Variants in RPS6KA2 observed in about 807,000 individuals in gnomAD.
RPS6KA2 encodes ribosomal protein S6 kinase A2.
A neutral mutation model predicts 91.8 loss-of-function variants in RPS6KA2; 42 were observed. The observed-to-expected ratio is 0.46, with a 90% CI of 0.36 to 0.59. The LOEUF (loss-of-function observed/expected upper bound fraction) is 0.59. Ranked by LOEUF, RPS6KA2 falls within the 20% of genes least tolerant of loss-of-function variation. The pLI is 0.00. For synonymous variants in RPS6KA2, 414 were observed against 393.6 expected (o/e 1.05, Z -0.61); for missense variants, 798 against 978.5 (o/e 0.82, Z 2.46).
chr6:166,729,370 T>A (rs1010289437), intron 2 of RPS6KA2, among the ~76,000 whole-genome samples: 1 of 152,218 alleles, frequency 6.6e-6, no homozygotes, highest in Non-Finnish European at 1.5e-5. Context: ...CTGTGTGTGA[T>A]GGGGTCTCAC....
chr6:166,562,559 C>G (rs11969176), intron 1 of RPS6KA2, among the ~76,000 whole-genome samples: 4 of 152,132 alleles, frequency 2.6e-5, no homozygotes, highest in Non-Finnish European at 5.9e-5. Context: ...CTGCCAAGCA[C>G]AATAAAATTC....
Position 166,510,290 on chromosome 6 carries a change from C to G in RPS6KA2, c.366G>C (p.Val122=). Residue 122 remains valine (V), a synonymous_variant, in exon 4 of 21, where the codon GTG becomes GTC. Transcript: ENST00000265678. ...ILAEVNHPFI[V]KLHYAFQTEG... is the part of the protein sequence containing the mutation. Reference sequence around the variant, plus strand: ...GACTCTACTTACCATAATGAAGCTTCACAATGAAGGGGTGATTCACTTCTG... The same window carrying G: ...GACTCTACTTACCATAATGAAGCTTGACAATGAAGGGGTGATTCACTTCTG... The G allele has an allele frequency of 6.2e-7, 1 of 1,602,468 alleles. No individual in the cohort carries two copies. The highest frequency in any genetic ancestry group is 8.5e-7 in the Non-Finnish European group (1 of 1,171,934).
chr6:166,825,317 G>A lies in RPS6KA2; in HGVS notation c.123+32883C>T, dbSNP rs1160150368. On this transcript the variant is annotated intron_variant, in intron 2 of 21. Coordinates refer to the RPS6KA2 transcript ENST00000503859. The surrounding 1 kb of genome is among the most constrained non-coding windows in gnomAD (Gnocchi z 4.1). The stretch of plus-strand genomic sequence containing the variant: ...TCCAGGGTACCCGTGGCTGTGAGGG[G>A]AAGGCGACTATTCTGAAGAGAATAA... Among the ~76,000 whole-genome samples the A allele has an allele frequency of 1.3e-5, 2 of 152,202 alleles. No individual in the cohort carries two copies. Among genetic ancestry groups the A allele is most frequent in the East Asian group, 3.9e-4 (2 of 5,194 alleles).
intron 11 of RPS6KA2, among the ~76,000 whole-genome samples, chr6:166,461,834 C>A (rs1780320462): frequency 6.6e-6 from 1 of 152,258 alleles, no homozygotes; most frequent in African/African-American, 2.4e-5. Flanking sequence ...CTCCATCATC[C>A]TGGGGACCCA....
chr6:166,778,216 C>G lies in RPS6KA2; in HGVS notation c.123+79984G>C, dbSNP rs562506519. On this transcript the variant is annotated intron_variant, in intron 2 of 21. Transcript: ENST00000503859. The stretch of plus-strand genomic sequence containing the variant: ...GCAGAGCCTGGAGACCTGCCTGCCT[C>G]TGTGTGGGGCTCACGAAAGGGCAAA... Among the ~76,000 whole-genome samples the G allele has an allele frequency of 2.3e-3, 344 of 152,316 alleles. 1 individual carries two copies. The highest frequency in any genetic ancestry group is 3.5e-3 in the Non-Finnish European group (238 of 68,024).
rs184133245 is a variant in RPS6KA2 at position 166,538,796 on chromosome 6, C to A, written c.100-12G>T. ...ACGACGCCTTCTTCCTGCAAGAGAG[C>A]GGCACGGGTGAGAAACACACCGCGA... On this transcript the variant is annotated splice_polypyrimidine_tract_variant and intron_variant, in intron 1 of 20. Coordinates refer to ENST00000265678, the MANE Select transcript of RPS6KA2 (RefSeq NM_021135.6). The A allele has an allele frequency of 1.7e-4, 250 of 1,456,482 alleles. 1 individual carries two copies. The highest frequency in any genetic ancestry group is 3.2e-4 in the East Asian group (14 of 43,832). The allele number at this position is 1,456,482 out of a possible 1,614,324, so 90.2% of individuals were successfully genotyped here.
At chr6:166,744,583 G>C (rs920250929) in intron 2 of RPS6KA2, among the ~76,000 whole-genome samples, 2 of 152,166 alleles carry the variant, frequency 1.3e-5, no homozygotes, top group African/African-American at 4.8e-5. Context: ...CTGGAGAGCC[G>C]CGCACCCGTG....
intron 2 of RPS6KA2, among the ~76,000 whole-genome samples, chr6:166,834,047 T>C (rs888718790): frequency 6.6e-6 from 1 of 152,182 alleles, no homozygotes; most frequent in African/African-American, 2.4e-5. Context: ...TTTGCATAAA[T>C]ATCTAAGGGT....
chr6:166,645,658 TG>T (rs1787582886), intron 2 of RPS6KA2, among the ~76,000 whole-genome samples: 1 of 152,200 alleles, frequency 6.6e-6, no homozygotes, highest in Admixed American at 6.5e-5. Flanking sequence ...TACCTGGAGA[TG>T]GGGGCACTCC....
chr6:166,507,046 G>C (rs1196720541), intron 5 of RPS6KA2, among the ~76,000 whole-genome samples: 1 of 152,000 alleles, frequency 6.6e-6, no homozygotes, highest in Non-Finnish European at 1.5e-5. Context: ...AGAAGCCCTG[G>C]GGTGTGCAGT....
At chr6:166,499,162 G>A (rs1220143248) in intron 7 of RPS6KA2, among the ~76,000 whole-genome samples, 2 of 152,206 alleles carry the variant, frequency 1.3e-5, no homozygotes, top group Non-Finnish European at 2.9e-5. Flanking sequence ...GGGAGCAGAG[G>A]CCGAGCTATG....
intron 16 of RPS6KA2, among the ~76,000 whole-genome samples, chr6:166,428,508 T>A: frequency 2.2e-5 from 3 of 134,596 alleles, no homozygotes; most frequent in African/African-American, 2.9e-5. Context: ...ACCATCAGAG[T>A]GAACAGGCAA....
Position 166,849,035 on chromosome 6 carries a change from G to A in RPS6KA2, c.123+9165C>T, listed in dbSNP as rs1426158829. On this transcript the variant is annotated intron_variant, in intron 2 of 21. Transcript: ENST00000503859. The surrounding 1 kb of genome is among the most constrained non-coding windows in gnomAD (Gnocchi z 4.9). The stretch of plus-strand genomic sequence containing the variant: ...TAATCCAAGACCTTGCCATGGCCTC[G>A]AATCCTGACATCACACTCTTCTCTC... 2.0e-5 allele frequency among the ~76,000 whole-genome samples: 3 copies of A among 151,940 alleles called. No homozygotes were observed. The highest frequency in any genetic ancestry group is 1.9e-4 in the East Asian group (1 of 5,182).
intron 2 of RPS6KA2, among the ~76,000 whole-genome samples, chr6:166,781,353 C>T (rs1198690744): frequency 1.3e-5 from 2 of 152,192 alleles, no homozygotes; most frequent in Admixed American, 6.5e-5. Flanking sequence ...GTCACTTGGA[C>T]GCTGTCCTCA....
At chr6:166,689,663 G>A (rs146519043) in intron 2 of RPS6KA2, among the ~76,000 whole-genome samples, 1 of 152,174 alleles carries the variant, frequency 6.6e-6, no homozygotes, top group African/African-American at 2.4e-5. Flanking sequence ...GAGACTGAGT[G>A]CAGGCATCTC....
intron 2 of RPS6KA2, among the ~76,000 whole-genome samples, chr6:166,808,973 C>G (rs1488616420): frequency 1.3e-5 from 2 of 152,154 alleles, no homozygotes; most frequent in African/African-American, 4.8e-5. Context: ...GACTGCAAGA[C>G]ACTAATAGTG....
chr6:166,501,554 G>A (rs144323178), intron 6 of RPS6KA2, among the ~76,000 whole-genome samples: 1 of 152,194 alleles, frequency 6.6e-6, no homozygotes, highest in Non-Finnish European at 1.5e-5. Context: ...CCCTTGTCAC[G>A]CCATGTGCCG....
chr6:166,455,672 G>A (rs1039798989), intron 12 of RPS6KA2, among the ~76,000 whole-genome samples: 3 of 152,230 alleles, frequency 2.0e-5, no homozygotes, highest in Admixed American at 6.5e-5. Flanking sequence ...AGAGAAGCTC[G>A]GGGCTTTCTG....
At chr6:166,588,571 A>G (rs1198814877) in intron 1 of RPS6KA2, among the ~76,000 whole-genome samples, 3 of 152,198 alleles carry the variant, frequency 2.0e-5, no homozygotes, top group Admixed American at 6.5e-5. Flanking sequence ...GCCTGTCCCC[A>G]ACCTCTCGCT....
Sources: allele counts gnomAD v4.1 joint callset (sites outside exome capture counted in the v4.1 genomes callset), GRCh38; gene constraint gnomAD v4.1.1; non-coding constraint Gnocchi (gnomAD v3.1); transcripts MANE v1.5; gene names NCBI Gene and HGNC (gene_info 2026-07-23, HGNC 2026-07-21).